Variants in PXDN observed in about 807,000 individuals in gnomAD.
PXDN encodes the protein peroxidasin homolog.
A neutral mutation model predicts 140.3 loss-of-function variants in PXDN; 77 were observed. The ratio of observed to expected loss-of-function variants is 0.55; its 90% CI spans 0.46 to 0.66. PXDN has a LOEUF of 0.66. Ranked by LOEUF, PXDN falls within the 30% of genes least tolerant of loss-of-function variation. The pLI is 0.00. For missense variants in PXDN, 1,838 were observed against 2,039.5 expected (o/e 0.90, Z 1.90); for synonymous variants, 911 against 857.4 (o/e 1.06, Z -1.09).
At chr2:1,655,187 C>T (rs1683101049) in intron 14 of PXDN, among the ~76,000 whole-genome samples, 1 of 151,754 alleles carries the variant, frequency 6.6e-6, no homozygotes, top group African/African-American at 2.4e-5. Flanking sequence ...GCACATTATA[C>T]ACACATGTCA....
At chr2:1,644,467 C>T in intron 18 of PXDN, 151 bp downstream of exon 18, 2 of 894,230 alleles carry the variant, frequency 2.2e-6, no homozygotes, top group Non-Finnish European at 3.1e-6. Flanking sequence ...GATACCAGGG[C>T]CTCAGTGCCT....
chr2:1,705,985 T>C (rs369279449), intron 1 of PXDN, among the ~76,000 whole-genome samples: 26 of 125,722 alleles, frequency 2.1e-4, no homozygotes, highest in African/African-American at 7.4e-4. Context: ...CGCTCAGGCA[T>C]CCATGTGGCT....
intron 1 of PXDN, among the ~76,000 whole-genome samples, chr2:1,694,967 A>G (rs1446001148): frequency 6.6e-6 from 1 of 152,220 alleles, no homozygotes; most frequent in Admixed American, 6.5e-5. Flanking sequence ...GCTGTCCCGG[A>G]AGGCCGAGCC....
intron 1 of PXDN, among the ~76,000 whole-genome samples, chr2:1,701,102 G>A (rs148670792): frequency 2.0e-4 from 30 of 152,316 alleles, no homozygotes; most frequent in East Asian, 9.7e-4. Flanking sequence ...GGGAGGCTGG[G>A]GGAGTTTGAA....
intron 1 of PXDN, among the ~76,000 whole-genome samples, chr2:1,718,999 C>T (rs1034125257): frequency 6.6e-6 from 1 of 152,262 alleles, no homozygotes; most frequent in Non-Finnish European, 1.5e-5. Context: ...ACCCAGGACA[C>T]GCTGACAGCC....
intron 1 of PXDN, among the ~76,000 whole-genome samples, chr2:1,705,939 T>C (rs893732601): frequency 6.6e-6 from 1 of 152,012 alleles, no homozygotes; most frequent in African/African-American, 2.4e-5. Flanking sequence ...CAGTTCTCCG[T>C]CCATTACGGC....
chr2:1,668,963 G>A (rs1383682718), intron 9 of PXDN, among the ~76,000 whole-genome samples: 2 of 152,164 alleles, frequency 1.3e-5, no homozygotes, highest in Non-Finnish European at 2.9e-5. Context: ...ATACCCAAAG[G>A]ATTATAAGTC....
intron 19 of PXDN, among the ~76,000 whole-genome samples, chr2:1,641,864 A>G (rs73178769): frequency 0.081 from 12,269 of 152,316 alleles, 594 homozygotes; most frequent in African/African-American, 0.13. Flanking sequence ...TTATCAGAAA[A>G]TGGGTTTTTG....
chr2:1,697,495 T>C (rs744955), intron 1 of PXDN, among the ~76,000 whole-genome samples: 52,230 of 152,192 alleles, frequency 0.34, 9,971 homozygotes, highest in Admixed American at 0.43. Context: ...CTGGGCAGAA[T>C]AAGACTGTGG....
At chr2:1,721,928 A>G (rs1340234062) in intron 1 of PXDN, among the ~76,000 whole-genome samples, 3 of 152,200 alleles carry the variant, frequency 2.0e-5, no homozygotes, top group African/African-American at 7.2e-5. Flanking sequence ...ATAGTTACTA[A>G]GAGACTCAAA....
rs775250606 is a variant in PXDN, at chr2:1,677,049, G to A, written c.731-5C>T. 1.3e-6 allele frequency: 2 copies of A among 1,584,456 alleles called. No homozygotes were observed. The highest frequency in any genetic ancestry group is 2.3e-5 in the East Asian group (1 of 44,130). ...CGGAGGTGATCCGGGGCCTTTCTGT[G>A]CCCAACCAGAAAATGGAAACCTTTT... On this transcript the variant is annotated splice_region_variant and splice_polypyrimidine_tract_variant and intron_variant, in intron 7 of 22. Transcript: ENST00000252804.
chr2:1,658,438 A>G (rs1683220099), intron 14 of PXDN, among the ~76,000 whole-genome samples: 1 of 151,788 alleles, frequency 6.6e-6, no homozygotes, highest in South Asian at 2.1e-4. Context: ...CCACAGTGCA[A>G]GCCAACTACT....
At chr2:1,691,022 G>A (rs959614545) in intron 3 of PXDN, among the ~76,000 whole-genome samples, 3 of 152,134 alleles carry the variant, frequency 2.0e-5, no homozygotes, top group Non-Finnish European at 4.4e-5. Flanking sequence ...GGGTTGATGG[G>A]TGCAGCAAAG....
intron 1 of PXDN, among the ~76,000 whole-genome samples, chr2:1,702,133 G>A (rs1301453176): frequency 1.3e-5 from 2 of 152,218 alleles, no homozygotes; most frequent in Non-Finnish European, 2.9e-5. Context: ...AAGAAACCTG[G>A]CCTCAATCCT....
intron 1 of PXDN, among the ~76,000 whole-genome samples, chr2:1,698,663 T>A (rs769125370): frequency 6.6e-6 from 1 of 152,158 alleles, no homozygotes; most frequent in African/African-American, 2.4e-5. Flanking sequence ...TTAAAATTGC[T>A]CTCATTGAAG....
At chr2:1,662,817 G>C (rs72763566) in intron 12 of PXDN, among the ~76,000 whole-genome samples, 9 of 152,294 alleles carry the variant, frequency 5.9e-5, no homozygotes, top group Non-Finnish European at 7.4e-5. Context: ...CCTTCTAGAG[G>C]TCTGCACAGT....
intron 1 of PXDN, among the ~76,000 whole-genome samples, chr2:1,710,731 T>A (rs865877928): frequency 0.023 from 885 of 38,048 alleles, 1 homozygote; most frequent in African/African-American, 0.086. Flanking sequence ...ACCAGCACCC[T>A]CTCCACCAGC....
chr2:1,687,260 G>A lies in PXDN; in HGVS notation c.416+372C>T, dbSNP rs181420026. Among the ~76,000 whole-genome samples, 12 of 152,306 alleles carry A rather than the reference G, an allele frequency of 7.9e-5. No individual in the cohort carries two copies. Among genetic ancestry groups the A allele is most frequent in the South Asian group, 6.2e-4 (3 of 4,820 alleles). On this transcript the variant is annotated intron_variant, in intron 4 of 22. Transcript: ENST00000252804. The surrounding 1 kb of genome is among the most constrained non-coding windows in gnomAD (Gnocchi z 4.0). ...GAGCCCTCTCCTCCCCGGGCACCCT[G>A]GATATTTCCCCTGTGAAGGATGCCT...
At chr2:1,724,178 G>C (rs951035646) in intron 1 of PXDN, among the ~76,000 whole-genome samples, 23 of 152,174 alleles carry the variant, frequency 1.5e-4, no homozygotes, top group Non-Finnish European at 3.1e-4. Flanking sequence ...CTTCCTGCCT[G>C]AAAGTTGTTA....
Sources: gnomAD v4.1 joint callset for allele counts (sites outside exome capture counted in the v4.1 genomes callset) on GRCh38, gnomAD v4.1.1 for gene constraint, Gnocchi (gnomAD v3.1) non-coding constraint, MANE v1.5 for transcripts, NCBI Gene and HGNC (gene_info 2026-07-23, HGNC 2026-07-21) for gene names.